The following CCDC50 variants were observed in gnomAD, a reference collection of about 807,000 sequenced individuals.
CCDC50 encodes the protein coiled-coil domain-containing protein 50.
CCDC50 carries 54 observed loss-of-function variants against 70.2 expected under a neutral mutation model. That is an observed-to-expected ratio of 0.77 (90% CI 0.62 to 0.96). The LOEUF (loss-of-function observed/expected upper bound fraction) is 0.96. Among genes scored for constraint, CCDC50 ranks in the 50% least tolerant of loss-of-function variants. The pLI is 0.00. For missense variants in CCDC50, 558 were observed against 578.7 expected, an observed-to-expected ratio of 0.96 and a Z score of 0.37; for synonymous variants, 216 against 198.8, an observed-to-expected ratio of 1.09 and a Z score of -0.73.
At position 191,395,396 on chromosome 3, in the gene CCDC50, A is replaced by G. The variant is rs1387773342; in HGVS notation, c.*3636A>G. On this transcript the variant is annotated 3_prime_UTR_variant, in exon 12 of 12. Coordinates refer to ENST00000392455, the MANE Select transcript of CCDC50 (RefSeq NM_178335.3). ...CCAAATTGGAAATACCCACTATAATATGGTGCATTCAGTTTACTCCACAAG... is the reference window on the plus strand; with the variant it reads ...CCAAATTGGAAATACCCACTATAATGTGGTGCATTCAGTTTACTCCACAAG... 6.6e-6 allele frequency: 1 copy of G among 152,172 alleles called. No individual in the cohort carries two copies. The highest frequency in any genetic ancestry group is 1.9e-4 in the East Asian group (1 of 5,204). The allele number at this position is 152,172 out of a possible 1,614,324, so 9.4% of individuals were successfully genotyped here.
intron 10 of CCDC50, among the ~76,000 whole-genome samples, chr3:191,384,691 T>A (rs1713430567): frequency 6.9e-6 from 1 of 145,822 alleles, no homozygotes. Context: ...TATTTTAGAT[T>A]CTGGGGATAC....
chr3:191,331,246 T>C (rs140946910), intron 1 of CCDC50, among the ~76,000 whole-genome samples: 1 of 152,306 alleles, frequency 6.6e-6, no homozygotes, highest in East Asian at 1.9e-4. Flanking sequence ...CTGGTATGTA[T>C]AGTATTAATC....
intron 1 of CCDC50, among the ~76,000 whole-genome samples, chr3:191,337,495 C>A (rs1333785251): frequency 6.6e-6 from 1 of 151,964 alleles, no homozygotes; most frequent in East Asian, 1.9e-4. Flanking sequence ...CAGTTGCCCG[C>A]CACTATGCCC....
intron 4 of CCDC50, among the ~76,000 whole-genome samples, chr3:191,364,074 ATTT>A (rs11423385): frequency 6.9e-6 from 1 of 144,550 alleles, no homozygotes; most frequent in Non-Finnish European, 1.5e-5. Context: ...CTTAGTTCTT[ATTT>A]TTTTTTTTTT....
At chr3:191,377,481 T>A (rs1316539189) in intron 6 of CCDC50, among the ~76,000 whole-genome samples, 1 of 152,184 alleles carries the variant, frequency 6.6e-6, no homozygotes, top group East Asian at 1.9e-4. Flanking sequence ...ACTTAACCTT[T>A]CGGAGTTACT....
chr3:191,360,551 G>C (rs930336030), intron 3 of CCDC50, among the ~76,000 whole-genome samples: 1 of 152,186 alleles, frequency 6.6e-6, no homozygotes, highest in African/African-American at 2.4e-5. Context: ...ATTACAATGA[G>C]TGAAGGAAAA....
In CCDC50 at chr3:191,391,801, A is replaced by G. The variant is rs1374455102; in HGVS notation, c.*41A>G. On this transcript the variant is annotated 3_prime_UTR_variant, in exon 12 of 12. Coordinates refer to ENST00000392455, the MANE Select transcript of CCDC50 (RefSeq NM_178335.3). ...CCTTGAAAATGGACTCACTATAGCA[A>G]ATATTACTGGGTGATACAGAATGAA... 6 of 1,559,646 alleles carry G rather than the reference A, an allele frequency of 3.8e-6. No individual in the cohort carries two copies. In the African/African-American group the frequency reaches 5.4e-5, roughly 14 times the overall value.
chr3:191,357,240 GCA>G, intron 2 of CCDC50, 90 bp downstream of exon 2: 1 of 1,000,682 alleles, frequency 1.0e-6, no homozygotes, highest in Admixed American at 1.9e-5. Flanking sequence ...TGGGGAGAGA[GCA>G]CAGTCACTTG....
chr3:191,334,609 A>G (rs780419712), intron 1 of CCDC50, among the ~76,000 whole-genome samples: 46 of 152,280 alleles, frequency 3.0e-4, no homozygotes, highest in Non-Finnish European at 4.6e-4. Context: ...GGGGCCTAGA[A>G]TTAGAAAAGT....
intron 4 of CCDC50, among the ~76,000 whole-genome samples, chr3:191,363,175 A>G (rs1016784440): frequency 2.0e-5 from 3 of 152,152 alleles, no homozygotes; most frequent in Admixed American, 2.0e-4. Flanking sequence ...ATAGTAAGTA[A>G]TCTCATGGTA....
At chr3:191,370,482 TTTTG>T (rs1441444668) in intron 5 of CCDC50, among the ~76,000 whole-genome samples, 10 of 133,230 alleles carry the variant, frequency 7.5e-5, no homozygotes, top group Non-Finnish European at 1.7e-5. Context: ...TTGTTTGTTT[TTTTG>T]TTTTTTTTTT....
At chr3:191,359,870 A>G (rs1212498694) in intron 3 of CCDC50, among the ~76,000 whole-genome samples, 6 of 152,200 alleles carry the variant, frequency 3.9e-5, no homozygotes, top group Non-Finnish European at 1.5e-5. Context: ...TTAGGTTAAT[A>G]ACAGTATAAT....
chr3:191,353,344 A>G (rs1712164939), intron 1 of CCDC50, among the ~76,000 whole-genome samples: 1 of 141,872 alleles, frequency 7.0e-6, no homozygotes, highest in African/African-American at 2.5e-5. Context: ...GGCTTACGGC[A>G]AGAAGGTCAG....
At chr3:191,344,932 C>T (rs544281806) in intron 1 of CCDC50, among the ~76,000 whole-genome samples, 1 of 152,316 alleles carries the variant, frequency 6.6e-6, no homozygotes, top group African/African-American at 2.4e-5. Context: ...GAGGAATGCA[C>T]ATCCTCAAAT....
At chr3:191,381,817 CTT>C (rs747529345) in intron 9 of CCDC50, among the ~76,000 whole-genome samples, 2 of 151,966 alleles carry the variant, frequency 1.3e-5, no homozygotes, top group Non-Finnish European at 2.9e-5. Context: ...GCTGGTCTCT[CTT>C]GAACAAATTC....
At chr3:191,342,023 A>G (rs972816179) in intron 1 of CCDC50, among the ~76,000 whole-genome samples, 2 of 152,236 alleles carry the variant, frequency 1.3e-5, no homozygotes, top group Non-Finnish European at 2.9e-5. Context: ...GATTCTAGGA[A>G]TGTACCCATG....
rs1157169370 is a variant in CCDC50 at position 191,398,599 on chromosome 3, A to G, written c.*6839A>G. 3 of 152,234 alleles carry G rather than the reference A, an allele frequency of 2.0e-5. No individual in the cohort carries two copies. The highest frequency in any genetic ancestry group is 7.2e-5 in the African/African-American group (3 of 41,460). 9.4% of individuals were successfully genotyped at this position (152,234 alleles called of 1,614,324 possible). The stretch of plus-strand genomic sequence containing the variant: ...CCATTTCCATACACTTTCTGTAAAT[A>G]TGTATAACATGATAATGATGCCTGG... On this transcript the variant is annotated 3_prime_UTR_variant, in exon 12 of 12. Transcript: ENST00000392455.
In CCDC50 at chr3:191,398,096, G is replaced by A. The variant is rs544348157; in HGVS notation, c.*6336G>A. On this transcript the variant is annotated 3_prime_UTR_variant, in exon 12 of 12. Transcript: ENST00000392455. ...TGTTCCTGCTCATGACCTCATTGAG[G>A]AAAATGAGAATTGTGGTGCTGGTGA... 1 of 152,344 alleles carries A rather than the reference G, an allele frequency of 6.6e-6. No homozygotes were observed. Among genetic ancestry groups the A allele is most frequent in the South Asian group, 2.1e-4 (1 of 4,826 alleles). 9.4% of individuals were successfully genotyped at this position (152,344 alleles called of 1,614,324 possible). A position where few individuals can be genotyped will look rare whatever the true frequency, so the allele number is the denominator to read the frequency against.
At chr3:191,369,856 C>A (rs1712834670) in intron 4 of CCDC50, 63 bp from the exon 5 acceptor site, 1 of 1,183,630 alleles carries the variant, frequency 8.4e-7, no homozygotes, top group Non-Finnish European at 1.3e-6. Context: ...TGTCAAGCCC[C>A]ACCATATGGA....
Sources: gnomAD v4.1 joint callset for allele counts (sites outside exome capture counted in the v4.1 genomes callset) on GRCh38, gnomAD v4.1.1 for gene constraint, MANE v1.5 for transcripts, NCBI Gene and HGNC (gene_info 2026-07-23, HGNC 2026-07-21) for gene names.